Variants in RIPPLY3 observed in about 807,000 individuals in gnomAD.
RIPPLY3 encodes the protein protein ripply3.
Under a neutral mutation model 11.9 loss-of-function variants are expected in RIPPLY3, and 8 were observed. The observed-to-expected ratio is 0.67, with a 90% CI of 0.40 to 1.21. The LOEUF (loss-of-function observed/expected upper bound fraction) is 1.21, where lower values mean the gene tolerates loss of function less well. Ranked by LOEUF, RIPPLY3 falls within the 50% of genes most tolerant of loss-of-function variation. RIPPLY3 has a pLI of 0.01. For synonymous variants in RIPPLY3, 102 were observed against 99.0 expected (o/e 1.03, Z -0.18); for missense variants, 271 against 246.0 (o/e 1.10, Z -0.68).
At chr21:37,016,417 T>C (rs758181596) in intron 3 of RIPPLY3, among the ~76,000 whole-genome samples, 26 of 152,096 alleles carry the variant, frequency 1.7e-4, no homozygotes. Context: ...GTGTTTTCTC[T>C]CTCCCTTTTC....
intron 3 of RIPPLY3, among the ~76,000 whole-genome samples, chr21:37,013,914 A>G (rs1271319147): frequency 6.6e-6 from 1 of 152,184 alleles, no homozygotes; most frequent in East Asian, 1.9e-4. Context: ...ATATAATTGC[A>G]TGTGAATTGT....
At position 37,008,160 on chromosome 21, in the gene RIPPLY3, C is replaced by A. The variant is rs766760048; in HGVS notation, c.108C>A (p.Pro36=). The part of the protein sequence containing the change: ...RPPPPRGPES[P]APWRPWIQTP... ...CTCCTGGCGCTTGCCGTTCCAGCCCCGCGCCGTGGCGACCTTGGATCCAGA... is the reference window on the plus strand; with the variant it reads ...CTCCTGGCGCTTGCCGTTCCAGCCCAGCGCCGTGGCGACCTTGGATCCAGA... The change falls in exon 2 of 4, where the codon CCC becomes CCA. Residue 36 remains proline (P), a synonymous_variant. Transcript: ENST00000329553. The A allele has an allele frequency of 6.2e-7, 1 of 1,614,016 alleles. No homozygotes were observed. The highest frequency in any genetic ancestry group is 8.5e-7 in the Non-Finnish European group (1 of 1,180,020).
At chr21:37,010,801 AC>A (rs948312706) in intron 2 of RIPPLY3, among the ~76,000 whole-genome samples, 3 of 151,980 alleles carry the variant, frequency 2.0e-5, no homozygotes, top group African/African-American at 7.3e-5. Flanking sequence ...GAGAAGGCTG[AC>A]CCCCACTGAA....
chr21:37,006,793 C>T lies in RIPPLY3; in HGVS notation c.21C>T (p.Ala7=). 8.1e-7 allele frequency: 1 copy of T among 1,232,496 alleles called. No homozygotes were observed. Among genetic ancestry groups the T allele is most frequent in the Non-Finnish European group, 1.0e-6 (1 of 988,608 alleles). The allele number at this position is 1,232,496 out of a possible 1,614,324, so 76.3% of individuals were successfully genotyped here. A position where few individuals can be genotyped will look rare whatever the true frequency, so the allele number is the denominator to read the frequency against. Residue 7 remains alanine, a synonymous_variant, in exon 1 of 4, where the codon GCC becomes GCT. Transcript: ENST00000329553. The surrounding 1 kb of genome is among the most constrained non-coding windows in gnomAD (Gnocchi z 5.2). Reference sequence around the variant, plus strand: ...GCACCATGGAGCCCGAAGCGGCGGCCGGAGCCCGGAAGGCGCGGGGGCGCG... The same window carrying T: ...GCACCATGGAGCCCGAAGCGGCGGCTGGAGCCCGGAAGGCGCGGGGGCGCG... The part of the protein sequence containing the change: MEPEAA[A]GARKARGRGC...
chr21:37,007,629 G>A (rs1054284109), intron 1 of RIPPLY3, among the ~76,000 whole-genome samples: 2 of 151,906 alleles, frequency 1.3e-5, no homozygotes, highest in Non-Finnish European at 2.9e-5. Flanking sequence ...GGCTGGTCTC[G>A]AACTCCTGAC....
rs570361678 is a variant in RIPPLY3, at chr21:37,010,165, C to G, written c.171+1942C>G. On this transcript the variant is annotated intron_variant, in intron 2 of 3. Coordinates refer to ENST00000329553, the MANE Select transcript of RIPPLY3 (RefSeq NM_018962.3). ...GAGGACTAACGCCTGGTGACCTGTA[C>G]CAGGGCTCCCGGCAAGCAAAGCAAA... 2.0e-4 allele frequency among the ~76,000 whole-genome samples: 31 copies of G among 152,246 alleles called. 1 individual carries two copies. In the South Asian group the frequency reaches 6.0e-3, roughly 30 times the overall value.
chr21:37,009,550 A>C (rs11911021), intron 2 of RIPPLY3, among the ~76,000 whole-genome samples: 1 of 152,224 alleles, frequency 6.6e-6, no homozygotes, highest in South Asian at 2.1e-4. Context: ...CTTCTTTTGC[A>C]TTCAAACTTA....
rs267606121 is a variant in RIPPLY3, at chr21:37,018,229, C to T, written c.*22C>T. On this transcript the variant is annotated 3_prime_UTR_variant, in exon 4 of 4. Coordinates refer to ENST00000329553, the MANE Select transcript of RIPPLY3 (RefSeq NM_018962.3). ...ATGAATCAGTCTCTGTCTCCTGGGC[C>T]CTGCTCTGGGACCTGCCCCTCACGT... 8 of 1,590,324 alleles carry T rather than the reference C, an allele frequency of 5.0e-6. No individual in the cohort carries two copies. Among genetic ancestry groups the T allele is most frequent in the Non-Finnish European group, 6.9e-6 (8 of 1,159,224 alleles).
Position 37,017,929 on chromosome 21 carries a change from G to A in RIPPLY3, c.295G>A (p.Val99Ile), listed in dbSNP as rs533969655. 1.2e-6 allele frequency: 2 copies of A among 1,614,186 alleles called. No individual in the cohort carries two copies. Among genetic ancestry groups the A allele is most frequent in the South Asian group, 1.1e-5 (1 of 91,086 alleles). Residue 99 changes from valine to isoleucine, a missense_variant, in exon 4 of 4, where the codon GTA (valine) becomes ATA (isoleucine). Val to Ile is a conservative substitution (Grantham distance 29). Transcript: ENST00000329553. ...ATACCTGCGGAGTTCCGGGGAGCAA[G>A]TACTGGCCAGTTTCCCAGTGCAAGC... Reference protein sequence around the residue: ...QEYLRSSGEQVLASFPVQATI... With the variant: ...QEYLRSSGEQILASFPVQATI...
At position 37,018,058 on chromosome 21, in the gene RIPPLY3, G is replaced by A; in HGVS notation, c.424G>A (p.Gly142Ser). The A allele has an allele frequency of 6.2e-7, 1 of 1,614,124 alleles. No homozygotes were observed. Among genetic ancestry groups the A allele is most frequent in the Non-Finnish European group, 8.5e-7 (1 of 1,180,024 alleles). ...PLHLLPQEVG[G>S]RQENGPGGKG... is the part of the protein sequence containing the mutation. The stretch of plus-strand genomic sequence containing the variant: ...CCATCTTCTGCCCCAGGAGGTGGGA[G>A]GTCGGCAGGAAAATGGCCCAGGGGG... The change falls in exon 4 of 4, where the codon GGT becomes AGT. Residue 142 changes from glycine (G) to serine (S), a missense_variant. Coordinates refer to ENST00000329553, the MANE Select transcript of RIPPLY3 (RefSeq NM_018962.3).
rs145016016 is a variant in RIPPLY3 at position 37,017,953 on chromosome 21, G to C, written c.319G>C (p.Ala107Pro). The change falls in exon 4 of 4, where the codon GCC becomes CCC. Residue 107 changes from alanine (A) to proline (P), a missense_variant. Physicochemically the swap from Ala to Pro is conservative, Grantham distance 27. Transcript: ENST00000329553. ...AGTACTGGCCAGTTTCCCAGTGCAA[G>C]CCACGATTGACTTCTACGACGATGA... ...EQVLASFPVQ[A>P]TIDFYDDEST... is the part of the protein sequence containing the mutation. 1 of 1,614,066 alleles carries C rather than the reference G, an allele frequency of 6.2e-7. No individual in the cohort carries two copies. Among genetic ancestry groups the C allele is most frequent in the African/African-American group, 1.3e-5 (1 of 74,932 alleles).
At chr21:37,012,469 C>A (rs2069534689) in intron 2 of RIPPLY3, among the ~76,000 whole-genome samples, 2 of 151,956 alleles carry the variant, frequency 1.3e-5, no homozygotes, top group Admixed American at 1.3e-4. Context: ...TTGAACTCCT[C>A]ACCTCAAGTG....
chr21:37,018,655 G>GT lies in RIPPLY3; in HGVS notation c.*449dup, dbSNP rs1001204850. The GT allele has an allele frequency of 1.3e-4, 20 of 155,338 alleles. No individual in the cohort carries two copies. The highest frequency in any genetic ancestry group is 4.1e-4 in the African/African-American group (17 of 41,480). 9.6% of individuals were successfully genotyped at this position (155,338 alleles called of 1,614,324 possible). On this transcript the variant is annotated 3_prime_UTR_variant, in exon 4 of 4. Transcript: ENST00000329553. ...TTTAATCTATCATCCAAGGGTAGAT[G>GT]TAGTTGCTTAGTAGCATTTTGGAAA...
chr21:37,016,001 A>T (rs1383820133), intron 3 of RIPPLY3, among the ~76,000 whole-genome samples: 2 of 151,614 alleles, frequency 1.3e-5, no homozygotes, highest in African/African-American at 2.4e-5. Context: ...GACATGAGCC[A>T]CTGTGTCCCA....
upstream of RIPPLY3, chr21:37,006,652 C>A: frequency 1.8e-6 from 1 of 559,056 alleles, no homozygotes; most frequent in Non-Finnish European, 2.6e-6. This position sits in a 1 kb window ranked among gnomAD's most constrained non-coding sequence, Gnocchi z 5.2. Flanking sequence ...AGCGCTTGCC[C>A]GCGCCGCCCC....
Position 37,017,904 on chromosome 21 carries a change from A to G in RIPPLY3, c.270A>G (p.Glu90=). The G allele has an allele frequency of 6.2e-7, 1 of 1,613,770 alleles. No individual in the cohort carries two copies. The highest frequency in any genetic ancestry group is 1.1e-5 in the South Asian group (1 of 91,030). The change falls in exon 4 of 4, where the codon GAA becomes GAG. Residue 90 remains glutamate (E), a synonymous_variant. Coordinates refer to ENST00000329553, the MANE Select transcript of RIPPLY3 (RefSeq NM_018962.3). ...RVYLPMSKRQ[E]YLRSSGEQVL... The stretch of plus-strand genomic sequence containing the variant: ...ATTTACCCATGTCAAAGCGTCAAGA[A>G]TACCTGCGGAGTTCCGGGGAGCAAG...
At chr21:37,006,582 T>G, upstream of RIPPLY3, 1 of 367,914 alleles carries the variant, frequency 2.7e-6, no homozygotes, top group Non-Finnish European at 4.8e-6. The surrounding 1 kb of genome is among the most constrained non-coding windows in gnomAD (Gnocchi z 5.2). Context: ...GGGCTTTTCC[T>G]TCGTACCCTG....
chr21:37,012,450 A>G (rs1331361261), intron 2 of RIPPLY3, among the ~76,000 whole-genome samples: 1 of 151,978 alleles, frequency 6.6e-6, no homozygotes, highest in African/African-American at 2.4e-5. Context: ...TGTGTTGGCC[A>G]GGCTGGTCTT....
chr21:37,008,297 C>T (rs2069486381), intron 2 of RIPPLY3, 74 bp downstream of exon 2: 1 of 1,498,318 alleles, frequency 6.7e-7, no homozygotes, highest in Non-Finnish European at 9.2e-7. Flanking sequence ...ATACAGGGAC[C>T]GTGAATGGCC....
Sources: gnomAD v4.1 joint callset for allele counts (sites outside exome capture counted in the v4.1 genomes callset) on GRCh38, gnomAD v4.1.1 for gene constraint, Gnocchi (gnomAD v3.1) non-coding constraint, MANE v1.5 for transcripts, NCBI Gene and HGNC (gene_info 2026-07-23, HGNC 2026-07-21) for gene names.